Variants in GPR89B observed in about 807,000 individuals in gnomAD.
The protein encoded by GPR89B is G protein-coupled receptor 89B.
A neutral mutation model predicts 52.4 loss-of-function variants in GPR89B; 25 were observed. The ratio of observed to expected loss-of-function variants is 0.48; its 90% CI spans 0.35 to 0.67. GPR89B has a LOEUF of 0.67. GPR89B is among the 30% of genes least tolerant of loss of function. The pLI is 0.01. For synonymous variants in GPR89B, 52 were observed against 151.2 expected, an observed-to-expected ratio of 0.34 and a Z score of 4.81; for missense variants, 146 against 450.2, an observed-to-expected ratio of 0.32 and a Z score of 6.11.
the GPR89B span, among the ~76,000 whole-genome samples, chr1:148,006,150 A>G: frequency 6.6e-6 from 1 of 151,612 alleles, no homozygotes; most frequent in Admixed American, 6.6e-5. Context: ...TTTGAATAGA[A>G]TTTCTGAGGT....
At position 147,986,266 on chromosome 1, in the gene GPR89B, C is replaced by T. The variant is rs1324884811; in HGVS notation, c.977C>T (p.Thr326Ile). The T allele has an allele frequency of 1.2e-6, 2 of 1,611,146 alleles. No individual in the cohort carries two copies. Among genetic ancestry groups the T allele is most frequent in the African/African-American group, 1.3e-5 (1 of 74,772 alleles). Reference sequence around the variant, plus strand: ...CCTGTCACAAGAGGCATTGAGATCACTGTGAATTATCTGGGAATCCAATTT... The same window carrying T: ...CCTGTCACAAGAGGCATTGAGATCATTGTGAATTATCTGGGAATCCAATTT... ...TDPVTRGIEI[T>I]VNYLGIQFDV... The change falls in exon 11 of 14, where the codon ACT becomes ATT. Residue 326 changes from threonine to isoleucine, a missense_variant. Thr to Ile is a moderately conservative substitution (Grantham distance 89). Coordinates refer to ENST00000314163, the MANE Select transcript of GPR89B (RefSeq NM_016334.5).
the GPR89B span, among the ~76,000 whole-genome samples, chr1:148,013,016 T>C: frequency 6.6e-6 from 1 of 152,060 alleles, no homozygotes; most frequent in Non-Finnish European, 1.5e-5. Context: ...CTGTTAAAAA[T>C]AGACAATACT....
intron 8 of GPR89B, 41 bp from the exon 9 acceptor site, chr1:147,968,834 A>G: frequency 6.2e-7 from 1 of 1,613,542 alleles, no homozygotes; most frequent in Non-Finnish European, 8.5e-7. Flanking sequence ...ATTTCTTGAA[A>G]TTCCTATGTG....
chr1:148,011,953 C>G, the GPR89B span: 1 of 152,118 alleles, frequency 6.6e-6, no homozygotes, highest in South Asian at 2.1e-4. Flanking sequence ...TAATTTTCAT[C>G]CAAAAATCTT....
the GPR89B span, among the ~76,000 whole-genome samples, chr1:148,004,312 G>A: frequency 6.0e-5 from 9 of 151,048 alleles, no homozygotes; most frequent in African/African-American, 1.9e-4. Context: ...GCCCGCCACC[G>A]CACCTGGCTA....
chr1:147,996,587 C>T, downstream of GPR89B: 12 of 1,611,168 alleles, frequency 7.4e-6, no homozygotes, highest in Non-Finnish European at 9.3e-6. Flanking sequence ...GCCATTTTCA[C>T]CTTTAGCCAG....
downstream of GPR89B, among the ~76,000 whole-genome samples, chr1:147,997,428 A>G (rs1659342750): frequency 6.6e-6 from 1 of 152,148 alleles, no homozygotes; most frequent in Non-Finnish European, 1.5e-5. Context: ...TGGACATCAG[A>G]ATTCCTGGTT....
chr1:147,945,727 C>CTT (rs1391522449), intron 5 of GPR89B, among the ~76,000 whole-genome samples: 3 of 133,500 alleles, frequency 2.2e-5, no homozygotes, highest in African/African-American at 2.9e-5. Context: ...TTTCAAGTTT[C>CTT]TTTTTTTTTT....
At chr1:147,990,064 G>A (rs1658949830) in intron 12 of GPR89B, among the ~76,000 whole-genome samples, 1 of 152,328 alleles carries the variant, frequency 6.6e-6, no homozygotes, top group Admixed American at 6.5e-5. Flanking sequence ...GGTTGAACTA[G>A]TTTACAGTCC....
the GPR89B span, chr1:148,025,630 C>A: frequency 6.8e-6 from 1 of 147,626 alleles, no homozygotes; most frequent in Non-Finnish European, 1.5e-5. Flanking sequence ...AAAGCTTAAC[C>A]CCCAACTTGA....
intron 5 of GPR89B, among the ~76,000 whole-genome samples, chr1:147,944,794 T>C (rs1654820229): frequency 7.0e-6 from 1 of 141,882 alleles, no homozygotes; most frequent in South Asian, 2.3e-4. Context: ...TTCAGAAGTA[T>C]GTATGAATCT....
intron 5 of GPR89B, among the ~76,000 whole-genome samples, chr1:147,947,309 G>A (rs1208062589): frequency 6.7e-6 from 1 of 148,964 alleles, no homozygotes; most frequent in Non-Finnish European, 1.5e-5. Context: ...CTCCCCTCCA[G>A]CCTGGGCGAC....
chr1:148,004,923 AC>A, the GPR89B span, among the ~76,000 whole-genome samples: 25 of 121,148 alleles, frequency 2.1e-4, no homozygotes, highest in Non-Finnish European at 1.8e-4. Flanking sequence ...ACACACACAC[AC>A]ATAAAAATTA....
At chr1:147,947,009 C>G (rs1288712309) in intron 5 of GPR89B, among the ~76,000 whole-genome samples, 1 of 152,014 alleles carries the variant, frequency 6.6e-6, no homozygotes, top group Non-Finnish European at 1.5e-5. Flanking sequence ...ACTGTCCCAA[C>G]AACCAGTATG....
chr1:147,934,434 GA>G (rs1160032693), intron 1 of GPR89B, among the ~76,000 whole-genome samples: 1 of 152,080 alleles, frequency 6.6e-6, no homozygotes, highest in African/African-American at 2.4e-5. Context: ...AAAGTGCTAG[GA>G]TTACAGACGT....
chr1:147,984,134 A>T (rs1222120095), intron 10 of GPR89B, among the ~76,000 whole-genome samples: 1 of 104,554 alleles, frequency 9.6e-6, no homozygotes, highest in Non-Finnish European at 1.8e-5. Context: ...CAATGAGAAC[A>T]CATGGACACA....
In GPR89B at chr1:147,993,066, C is replaced by G; in HGVS notation, c.*149C>G. On this transcript the variant is annotated 3_prime_UTR_variant, in exon 14 of 14. Transcript: ENST00000314163. Reference sequence around the variant, plus strand: ...CCTTCATAGCATACTCCTTCCCCCTCAGGTGATACTATGACCATGAGTAGC... The same window carrying G: ...CCTTCATAGCATACTCCTTCCCCCTGAGGTGATACTATGACCATGAGTAGC... The G allele has an allele frequency of 1.9e-6, 3 of 1,584,508 alleles. No homozygotes were observed. The East Asian group carries it at 6.7e-5, about 35-fold the overall frequency.
chr1:147,937,830 CAG>C (rs1654218369), intron 2 of GPR89B, among the ~76,000 whole-genome samples: 1 of 152,152 alleles, frequency 6.6e-6, no homozygotes, highest in African/African-American at 2.4e-5. Context: ...GCAATCATCA[CAG>C]GGTACTGAGG....
chr1:147,969,809 T>G, intron 9 of GPR89B, 58 bp from the exon 10 acceptor site: 1 of 1,496,430 alleles, frequency 6.7e-7, no homozygotes, highest in African/African-American at 1.4e-5. Context: ...AGAATACTTG[T>G]GTTGAATATA....
Sources: allele counts gnomAD v4.1 joint callset (sites outside exome capture counted in the v4.1 genomes callset), GRCh38; gene constraint gnomAD v4.1.1; transcripts MANE v1.5; gene names NCBI Gene and HGNC (gene_info 2026-07-23, HGNC 2026-07-21).